The following TRIM11 variants were observed in gnomAD, a reference collection of about 807,000 sequenced individuals.
TRIM11 encodes the protein E3 ubiquitin-protein ligase TRIM11.
TRIM11 carries 15 observed loss-of-function variants against 33.4 expected under a neutral mutation model. The ratio of observed to expected loss-of-function variants is 0.45; its 90% CI spans 0.30 to 0.69. TRIM11 has a LOEUF of 0.69. TRIM11 is among the 30% of genes least tolerant of loss of function. TRIM11 has a pLI of 0.08. For synonymous variants in TRIM11, 281 were observed against 302.6 expected (o/e 0.93, Z 0.74); for missense variants, 499 against 667.6 (o/e 0.75, Z 2.78).
Position 228,406,425 on chromosome 1 carries a change from T to C in TRIM11, c.137A>G (p.Gln46Arg). The C allele has an allele frequency of 6.3e-7, 1 of 1,583,252 alleles. No individual in the cohort carries two copies. The highest frequency in any genetic ancestry group is 8.5e-7 in the Non-Finnish European group (1 of 1,170,142). The part of the protein sequence containing the change: ...CRECIRRCWG[Q>R]PEGPYACPEC... ...GGGGCACGCGTACGGGCCCTCGGGC[T>C]GGCCCCAGCAGCGCCGGATGCACTC... The change falls in exon 1 of 6, where the codon CAG becomes CGG. Residue 46 changes from glutamine (Q) to arginine (R), a missense_variant. Coordinates refer to ENST00000284551, the MANE Select transcript of TRIM11 (RefSeq NM_145214.3). The surrounding 1 kb of genome is among the most constrained non-coding windows in gnomAD (Gnocchi z 8.2).
chr1:228,395,533 T>TTA lies in TRIM11; in HGVS notation c.860-282_860-281insTA. On this transcript the variant is annotated intron_variant, in intron 5 of 5. Transcript: ENST00000284551. The surrounding 1 kb of genome is among the most constrained non-coding windows in gnomAD (Gnocchi z 4.8). ...TCTTGGTTGCTTTTTTTTTTTTTTT[T>TTA]AAAGAGGCAGGGTCTTGCTCTGTGG... 1 of 267,434 alleles carries TTA rather than the reference T, an allele frequency of 3.7e-6. No individual in the cohort carries two copies. 16.6% of individuals were successfully genotyped at this position (267,434 alleles called of 1,614,324 possible).
intron 3 of TRIM11, 64 bp from the exon 4 acceptor site, chr1:228,397,229 T>C (rs971071928): frequency 3.9e-6 from 6 of 1,551,580 alleles, no homozygotes; most frequent in East Asian, 2.3e-5. Flanking sequence ...TGGAGTCCCC[T>C]CCCCGCCCCT....
rs368515004 is a variant in TRIM11, at chr1:228,394,921, G to C, written c.1191C>G (p.Leu397=). 1.2e-6 allele frequency: 2 copies of C among 1,614,050 alleles called. No individual in the cohort carries two copies. The highest frequency in any genetic ancestry group is 1.7e-6 in the Non-Finnish European group (2 of 1,180,034). The stretch of plus-strand genomic sequence containing the variant: ...TCCCCACGCGCCTGGGTGGGTCCCG[G>C]AGTGGAGCCAAGGCCCGTTCCGAGG... ...YNSSERALAP[L]RDPPRRVGIF... is the part of the protein sequence containing the mutation. The change falls in exon 6 of 6, where the codon CTC becomes CTG. Residue 397 remains leucine (L), a synonymous_variant. Coordinates refer to ENST00000284551, the MANE Select transcript of TRIM11 (RefSeq NM_145214.3). This position sits in a 1 kb window ranked among gnomAD's most constrained non-coding sequence, Gnocchi z 6.2.
At position 228,406,082 on chromosome 1, in the gene TRIM11, C is replaced by A; in HGVS notation, c.408+72G>T. The stretch of plus-strand genomic sequence containing the variant: ...TTACTCCCGGAGCAGTCCCCCAAAC[C>A]TCCCACCCGCCCAGGCCTCCCCAGT... On this transcript the variant is annotated intron_variant, in intron 1 of 5. Coordinates refer to ENST00000284551, the MANE Select transcript of TRIM11 (RefSeq NM_145214.3). This position sits in a 1 kb window ranked among gnomAD's most constrained non-coding sequence, Gnocchi z 8.2. 39 of 1,269,904 alleles carry A rather than the reference C, an allele frequency of 3.1e-5. No homozygotes were observed. Among genetic ancestry groups the A allele is most frequent in the South Asian group, 6.0e-5 (3 of 49,722 alleles). The allele number at this position is 1,269,904 out of a possible 1,614,324, so 78.7% of individuals were successfully genotyped here. A position where few individuals can be genotyped will look rare whatever the true frequency, so the allele number is the denominator to read the frequency against.
chr1:228,396,923 C>T (rs776664163), intron 5 of TRIM11, 24 bp downstream of exon 5: 1 of 1,611,726 alleles, frequency 6.2e-7, no homozygotes, highest in Non-Finnish European at 8.5e-7. Context: ...GAGTCATCTC[C>T]CCACCTGGGG....
rs1381191059 is a variant in TRIM11, at chr1:228,400,903, T to A, written c.735+61A>T. On this transcript the variant is annotated intron_variant, in intron 3 of 5. Transcript: ENST00000284551. This position sits in a 1 kb window ranked among gnomAD's most constrained non-coding sequence, Gnocchi z 4.5. ...GCTTCTTGCACTTTCTGGTTCTCCC[T>A]CCCCCAGTGTGGCCAGGCCATGCCC... 2.1e-6 allele frequency: 3 copies of A among 1,447,902 alleles called. No individual in the cohort carries two copies. In the African/African-American group the frequency reaches 4.3e-5, roughly 21 times the overall value. 89.7% of individuals were successfully genotyped at this position (1,447,902 alleles called of 1,614,324 possible).
Position 228,395,215 on chromosome 1 carries a change from C to T in TRIM11, c.897G>A (p.Glu299=). 6.7e-7 allele frequency: 1 copy of T among 1,487,744 alleles called. No individual in the cohort carries two copies. Among genetic ancestry groups the T allele is most frequent in the Non-Finnish European group, 8.9e-7 (1 of 1,124,894 alleles). 92.2% of individuals were successfully genotyped at this position (1,487,744 alleles called of 1,614,324 possible). Residue 299 remains glutamate (E), a synonymous_variant, in exon 6 of 6, where the codon GAG becomes GAA. Coordinates refer to ENST00000284551, the MANE Select transcript of TRIM11 (RefSeq NM_145214.3). This position sits in a 1 kb window ranked among gnomAD's most constrained non-coding sequence, Gnocchi z 4.8. The part of the protein sequence containing the change: ...VTLDPDTANP[E]LILSEDRRSV... The stretch of plus-strand genomic sequence containing the variant: ...TCCGCCTGTCTTCAGACAGGATCAG[C>T]TCAGGGTTGGCGGTGTCCGGGTCCA...
rs2074964958 is a variant in TRIM11, at chr1:228,394,834, T to C, written c.1278A>G (p.Leu426=). The C allele has an allele frequency of 2.5e-6, 4 of 1,613,696 alleles. No individual in the cohort carries two copies. Among genetic ancestry groups the C allele is most frequent in the Non-Finnish European group, 3.4e-6 (4 of 1,179,924 alleles). Residue 426 remains leucine (L), a synonymous_variant, in exon 6 of 6, where the codon CTA becomes CTG. Coordinates refer to ENST00000284551, the MANE Select transcript of TRIM11 (RefSeq NM_145214.3). This position sits in a 1 kb window ranked among gnomAD's most constrained non-coding sequence, Gnocchi z 6.2. ...AGAAGGGGATCTCGGGAAAGATGAA[T>C]AGCAGTGACCCATCGGTGGCACTGT... The part of the protein sequence containing the change: ...SFYSATDGSL[L]FIFPEIPFSG...
intron 5 of TRIM11, chr1:228,396,682 T>C: frequency 1.4e-6 from 1 of 717,562 alleles, no homozygotes; most frequent in South Asian, 1.5e-5. Flanking sequence ...TCCTGTAGTG[T>C]CAGCACTGGC....
chr1:228,401,616 TG>T lies in TRIM11; in HGVS notation c.505-423del, dbSNP rs1656229428. Among the ~76,000 whole-genome samples, 1 of 151,906 alleles carries T rather than the reference TG, an allele frequency of 6.6e-6. No homozygotes were observed. Among genetic ancestry groups the T allele is most frequent in the South Asian group, 2.1e-4 (1 of 4,816 alleles). ...CAAATCTACCACCCAGGGTCCCTCCTGACCTCCAAATTCTCCCCTGGGGCTT... is the reference window on the plus strand; with the variant it reads ...CAAATCTACCACCCAGGGTCCCTCCTACCTCCAAATTCTCCCCTGGGGCTT... On this transcript the variant is annotated intron_variant, in intron 2 of 5. Transcript: ENST00000284551. The surrounding 1 kb of genome is among the most constrained non-coding windows in gnomAD (Gnocchi z 6.1).
Position 228,395,018 on chromosome 1 carries a change from C to T in TRIM11, c.1094G>A (p.Arg365Lys). The change falls in exon 6 of 6, where the codon AGG becomes AAG. Residue 365 changes from arginine (R) to lysine (K), a missense_variant. Coordinates refer to ENST00000284551, the MANE Select transcript of TRIM11 (RefSeq NM_145214.3). This position sits in a 1 kb window ranked among gnomAD's most constrained non-coding sequence, Gnocchi z 4.8. ...ALGVCRENVN[R>K]KEKGELSAGN... ...CGCGGACAGCTCGCCCTTCTCCTTC[C>T]TGTTCACGTTCTCCCTGCACACCCC... 6.2e-7 allele frequency: 1 copy of T among 1,614,128 alleles called. No individual in the cohort carries two copies. The highest frequency in any genetic ancestry group is 8.5e-7 in the Non-Finnish European group (1 of 1,180,004).
Position 228,394,791 on chromosome 1 carries a change from G to C in TRIM11, c.1321C>G (p.Leu441Val), listed in dbSNP as rs1300835125. The C allele has an allele frequency of 6.2e-7, 1 of 1,614,076 alleles. No individual in the cohort carries two copies. Among genetic ancestry groups the C allele is most frequent in the Admixed American group, 1.7e-5 (1 of 60,020 alleles). Residue 441 changes from leucine (L) to valine (V), a missense_variant, in exon 6 of 6, where the codon CTC becomes GTC. Leu to Val is a conservative substitution (Grantham distance 32, BLOSUM62 1). Transcript: ENST00000284551. The surrounding 1 kb of genome is among the most constrained non-coding windows in gnomAD (Gnocchi z 6.2). ...EIPFSGTLRP[L>V]FSPLSSSPTP... ...GGGCTGCTGGACAGGGGTGAGAAGAGGGGCCGCAGCGTCCCCGAGAAGGGG... is the reference window on the plus strand; with the variant it reads ...GGGCTGCTGGACAGGGGTGAGAAGACGGGCCGCAGCGTCCCCGAGAAGGGG...
In TRIM11 at chr1:228,406,177, G is replaced by A. The variant is rs984513198; in HGVS notation, c.385C>T (p.Gln129Ter). 7.0e-7 allele frequency: 1 copy of A among 1,425,346 alleles called. No individual in the cohort carries two copies. Among genetic ancestry groups the A allele is most frequent in the Non-Finnish European group, 9.1e-7 (1 of 1,098,346 alleles). 88.3% of individuals were successfully genotyped at this position (1,425,346 alleles called of 1,614,324 possible). A position where few individuals can be genotyped will look rare whatever the true frequency, so the allele number is the denominator to read the frequency against. ...ACCTTGAGGTCTTCGGCCGCGTCCT[G>A]CAGCGGCCGCACGCGGTGCGCCCAG... ...EHWAHRVRPL[Q>*]DAAEDLKAKL... Residue 129 changes from glutamine to a stop codon, truncating the protein, a stop_gained, in exon 1 of 6, where the codon CAG becomes TAG. Coordinates refer to ENST00000284551, the MANE Select transcript of TRIM11 (RefSeq NM_145214.3). LOFTEE classifies it high-confidence loss of function. This position sits in a 1 kb window ranked among gnomAD's most constrained non-coding sequence, Gnocchi z 8.2.
In TRIM11 at chr1:228,406,574, G is replaced by C; in HGVS notation, c.-13C>G. On this transcript the variant is annotated 5_prime_UTR_variant, in exon 1 of 6. Transcript: ENST00000284551. This position sits in a 1 kb window ranked among gnomAD's most constrained non-coding sequence, Gnocchi z 8.2. ...CGGGGGCGGCCATGGCGCGGACAGA[G>C]GGGAGGAAGGCGGTACTGTCCGCGG... 1 of 1,499,648 alleles carries C rather than the reference G, an allele frequency of 6.7e-7. No homozygotes were observed. Among genetic ancestry groups the C allele is most frequent in the Non-Finnish European group, 8.9e-7 (1 of 1,120,958 alleles). 92.9% of individuals were successfully genotyped at this position (1,499,648 alleles called of 1,614,324 possible).
chr1:228,406,186 G>A lies in TRIM11; in HGVS notation c.376C>T (p.Arg126Trp), dbSNP rs1361372383. The change falls in exon 1 of 6, where the codon CGG (arginine) becomes TGG (tryptophan). Residue 126 changes from arginine (R) to tryptophan (W), a missense_variant. Transcript: ENST00000284551. This position sits in a 1 kb window ranked among gnomAD's most constrained non-coding sequence, Gnocchi z 8.2. ...TCTTCGGCCGCGTCCTGCAGCGGCCGCACGCGGTGCGCCCAGTGCTCCCCA... is the reference window on the plus strand; with the variant it reads ...TCTTCGGCCGCGTCCTGCAGCGGCCACACGCGGTGCGCCCAGTGCTCCCCA... ...RSGEHWAHRV[R>W]PLQDAAEDLK... is the part of the protein sequence containing the mutation. The A allele has an allele frequency of 1.4e-6, 2 of 1,431,848 alleles. No homozygotes were observed. The highest frequency in any genetic ancestry group is 1.4e-5 in the South Asian group (1 of 71,182). 88.7% of individuals were successfully genotyped at this position (1,431,848 alleles called of 1,614,324 possible). A position where few individuals can be genotyped will look rare whatever the true frequency, so the allele number is the denominator to read the frequency against.
In TRIM11 at chr1:228,394,949, T is replaced by C; in HGVS notation, c.1163A>G (p.Asn388Ser). The change falls in exon 6 of 6, where the codon AAT becomes AGT. Residue 388 changes from asparagine to serine, a missense_variant. Asn to Ser is a conservative substitution (Grantham distance 46). Coordinates refer to ENST00000284551, the MANE Select transcript of TRIM11 (RefSeq NM_145214.3). The surrounding 1 kb of genome is among the most constrained non-coding windows in gnomAD (Gnocchi z 6.2). ...WILVFLGSYY[N>S]SSERALAPLR... is the part of the protein sequence containing the mutation. The stretch of plus-strand genomic sequence containing the variant: ...TGGAGCCAAGGCCCGTTCCGAGGAA[T>C]TGTAATAGCTCCCCAGGAAGACCAG... 1.2e-6 allele frequency: 2 copies of C among 1,613,990 alleles called. No homozygotes were observed. Among genetic ancestry groups the C allele is most frequent in the Non-Finnish European group, 8.5e-7 (1 of 1,179,974 alleles).
intron 3 of TRIM11, 179 bp from the exon 4 acceptor site, chr1:228,397,344 G>T: frequency 1.5e-6 from 1 of 686,536 alleles, no homozygotes; most frequent in Non-Finnish European, 2.5e-6. Flanking sequence ...CAGGAATGCT[G>T]GACAGAGGCT....
In TRIM11 at chr1:228,401,237, G is replaced by A; in HGVS notation, c.505-43C>T. ...AAGGACAGCTGAGGCCAGACCCCAG[G>A]CCCAGCCAGACCCCAAGTTTGGTCA... On this transcript the variant is annotated intron_variant, in intron 2 of 5. Transcript: ENST00000284551. The surrounding 1 kb of genome is among the most constrained non-coding windows in gnomAD (Gnocchi z 6.1). The A allele has an allele frequency of 1.9e-6, 3 of 1,586,058 alleles. No individual in the cohort carries two copies. The highest frequency in any genetic ancestry group is 2.6e-6 in the Non-Finnish European group (3 of 1,163,704).
chr1:228,398,593 C>T lies in TRIM11; in HGVS notation c.736-1428G>A, dbSNP rs1315121636. On this transcript the variant is annotated intron_variant, in intron 3 of 5. Coordinates refer to ENST00000284551, the MANE Select transcript of TRIM11 (RefSeq NM_145214.3). ...TCACATCACTGTACTCTAGCCTGGG[C>T]GACAGAGTGAGACCCTGTCTCAATA... 5.3e-5 allele frequency among the ~76,000 whole-genome samples: 8 copies of T among 152,162 alleles called. No homozygotes were observed. In the South Asian group the frequency reaches 6.2e-4, roughly 12 times the overall value.
Sources: gnomAD v4.1 joint callset for allele counts (sites outside exome capture counted in the v4.1 genomes callset) on GRCh38, gnomAD v4.1.1 for gene constraint, Gnocchi (gnomAD v3.1) non-coding constraint, MANE v1.5 for transcripts, NCBI Gene and HGNC (gene_info 2026-07-23, HGNC 2026-07-21) for gene names.